The following GABARAPL2 variants were observed in gnomAD, a reference collection of about 807,000 sequenced individuals.
GABARAPL2 encodes the protein GABA type A receptor associated protein like 2, also known as gamma-aminobutyric acid receptor-associated protein-like 2.
GABARAPL2 carries 11 observed loss-of-function variants against 16.9 expected under a neutral mutation model. The ratio of observed to expected loss-of-function variants is 0.65; its 90% CI spans 0.41 to 1.08. The LOEUF (loss-of-function observed/expected upper bound fraction) is 1.08, where lower values mean the gene tolerates loss of function less well. GABARAPL2 is among the 50% of genes least tolerant of loss of function. The pLI is 0.00. For missense variants in GABARAPL2, 134 were observed against 142.5 expected, an observed-to-expected ratio of 0.94 and a Z score of 0.30; for synonymous variants, 57 against 50.7, an observed-to-expected ratio of 1.12 and a Z score of -0.53.
intron 1 of GABARAPL2, 71 bp downstream of exon 1, chr16:75,566,591 G>C (rs2080884359): frequency 2.6e-6 from 4 of 1,545,184 alleles, no homozygotes. Context: ...CCACTCGGGC[G>C]GCCCTGGGCC....
intron 3 of GABARAPL2, chr16:75,572,570 C>G (rs1037377605): frequency 1.3e-5 from 2 of 152,352 alleles, no homozygotes; most frequent in African/African-American, 4.8e-5. Context: ...CATGGCCATT[C>G]CTGGATGTAG....
At chr16:75,570,677 AT>A (rs749179412) in intron 3 of GABARAPL2, among the ~76,000 whole-genome samples, 2 of 152,218 alleles carry the variant, frequency 1.3e-5, no homozygotes, top group Non-Finnish European at 2.9e-5. Flanking sequence ...AAGTGTCATG[AT>A]TTTTATTTAG....
intron 3 of GABARAPL2, chr16:75,572,316 C>T (rs3743603): frequency 0.13 from 19,059 of 152,248 alleles, 2,802 homozygotes; most frequent in East Asian, 0.73. Context: ...CCATCCTGCC[C>T]TGCTGGAGAA....
intron 3 of GABARAPL2, chr16:75,572,456 G>T (rs2080921070): frequency 6.6e-6 from 1 of 152,378 alleles, no homozygotes; most frequent in Non-Finnish European, 1.5e-5. Flanking sequence ...CTTGGTTGGG[G>T]CGAACGTAGG....
intron 1 of GABARAPL2, 74 bp downstream of exon 1, chr16:75,566,594 C>T: frequency 1.3e-6 from 2 of 1,545,254 alleles, no homozygotes; most frequent in South Asian, 1.1e-5. Flanking sequence ...CTCGGGCGGC[C>T]CTGGGCCGAG....
intron 3 of GABARAPL2, chr16:75,568,498 A>G (rs982801304): frequency 3.9e-5 from 9 of 233,754 alleles, no homozygotes; most frequent in African/African-American, 2.3e-5. Flanking sequence ...GTCTTAAGCT[A>G]TAGGTAGAAC....
intron 3 of GABARAPL2, chr16:75,576,091 C>T (rs747048753): frequency 3.3e-5 from 5 of 152,068 alleles, no homozygotes; most frequent in African/African-American, 4.8e-5. Context: ...TTTACAAATT[C>T]CAGGCTAAGA....
intron 3 of GABARAPL2, among the ~76,000 whole-genome samples, chr16:75,572,993 C>T (rs2080925350): frequency 1.3e-5 from 2 of 152,252 alleles, no homozygotes; most frequent in Admixed American, 6.5e-5. Flanking sequence ...GTTGTCAGGG[C>T]ATCCAGCAAG....
intron 3 of GABARAPL2, among the ~76,000 whole-genome samples, chr16:75,569,383 G>A (rs1445029225): frequency 6.6e-6 from 1 of 152,242 alleles, no homozygotes; most frequent in East Asian, 1.9e-4. Flanking sequence ...AGCTCTGGAA[G>A]CTGTGGTGTT....
intron 1 of GABARAPL2, 110 bp from the exon 2 acceptor site, chr16:75,566,735 CGGGGACG>C: frequency 9.2e-7 from 1 of 1,091,546 alleles, no homozygotes; most frequent in Non-Finnish European, 1.4e-6. Context: ...ACCGCGGCCC[CGGGGACG>C]CCGGAACCAG....
At chr16:75,569,980 C>A (rs1203153532) in intron 3 of GABARAPL2, among the ~76,000 whole-genome samples, 2 of 152,192 alleles carry the variant, frequency 1.3e-5, no homozygotes, top group African/African-American at 4.8e-5. Context: ...CCTGACCCTT[C>A]AGGATTTAGA....
chr16:75,568,629 G>A (rs1431340006), intron 3 of GABARAPL2, among the ~76,000 whole-genome samples: 1 of 152,164 alleles, frequency 6.6e-6, no homozygotes, highest in African/African-American at 2.4e-5. Context: ...TCCCAAACTT[G>A]GTCAACTCTT....
chr16:75,566,948 G>T, intron 2 of GABARAPL2, 41 bp downstream of exon 2: 2 of 1,529,858 alleles, frequency 1.3e-6, no homozygotes, highest in Non-Finnish European at 1.8e-6. Flanking sequence ...TGTCACCTCT[G>T]TCGTCTGGGA....
At chr16:75,569,029 A>G (rs1002802589) in intron 3 of GABARAPL2, among the ~76,000 whole-genome samples, 1 of 152,138 alleles carries the variant, frequency 6.6e-6, no homozygotes, top group African/African-American at 2.4e-5. Flanking sequence ...TTGTGACCCA[A>G]TCTAGGTTTC....
Position 75,566,410 on chromosome 16 carries a change from G to T in GABARAPL2, c.-77G>T. On this transcript the variant is annotated 5_prime_UTR_variant, in exon 1 of 4. Transcript: ENST00000037243. ...CGCCGTCGCTGCCGCTGCCGCTGCC[G>T]CCGTCGTTGTTGTTGTGCTCGGTGC... 1 of 1,119,904 alleles carries T rather than the reference G, an allele frequency of 8.9e-7. No individual in the cohort carries two copies. Among genetic ancestry groups the T allele is most frequent in the South Asian group, 1.3e-5 (1 of 76,310 alleles). 69.4% of individuals were successfully genotyped at this position (1,119,904 alleles called of 1,614,324 possible).
intron 1 of GABARAPL2, 89 bp from the exon 2 acceptor site, chr16:75,566,763 G>A: frequency 1.6e-6 from 2 of 1,282,424 alleles, no homozygotes; most frequent in Admixed American, 1.7e-5. Context: ...GGCCTGGGTT[G>A]TACGCAGGGC....
intron 3 of GABARAPL2, among the ~76,000 whole-genome samples, chr16:75,570,859 T>G (rs2080910249): frequency 6.6e-6 from 1 of 152,150 alleles, no homozygotes; most frequent in Non-Finnish European, 1.5e-5. Flanking sequence ...GCATCAAGAA[T>G]CAGGCCAAAA....
At chr16:75,567,751 A>G (rs2080892552) in intron 2 of GABARAPL2, among the ~76,000 whole-genome samples, 1 of 152,158 alleles carries the variant, frequency 6.6e-6, no homozygotes, top group South Asian at 2.1e-4. Flanking sequence ...CCCTCCCCAG[A>G]TATTCTTAGG....
chr16:75,577,009 G>A (rs1358843105), intron 3 of GABARAPL2: 2 of 330,880 alleles, frequency 6.0e-6, no homozygotes, highest in African/African-American at 4.2e-5. Context: ...GCATTTAAGA[G>A]GCATCCATGT....
Sources: gnomAD v4.1 joint callset for allele counts (sites outside exome capture counted in the v4.1 genomes callset) on GRCh38, gnomAD v4.1.1 for gene constraint, MANE v1.5 for transcripts, NCBI Gene and HGNC (gene_info 2026-07-23, HGNC 2026-07-21) for gene names.